The following MAPK14 variants were observed in gnomAD, a reference collection of about 807,000 sequenced individuals.
MAPK14 encodes the protein CSAID-binding protein.
A neutral mutation model predicts 49.6 loss-of-function variants in MAPK14; 16 were observed. That is an observed-to-expected ratio of 0.32 (90% CI 0.22 to 0.49). MAPK14 has a LOEUF of 0.49. Among genes scored for constraint, MAPK14 ranks in the 20% least tolerant of loss-of-function variants. The probability of loss-of-function intolerance (pLI) is 0.99; values close to 1 mark genes in which losing one functional copy is unlikely to be tolerated. For missense variants in MAPK14, 200 were observed against 441.2 expected (o/e 0.45, Z 4.90); for synonymous variants, 142 against 158.0 (o/e 0.90, Z 0.76).
At chr6:36,113,467 G>A (rs1175839281), downstream of MAPK14, among the ~76,000 whole-genome samples, 2 of 150,822 alleles carry the variant, frequency 1.3e-5, no homozygotes, top group African/African-American at 4.9e-5. Flanking sequence ...GGACTTGATT[G>A]AATAAGATGG....
At chr6:36,072,427 C>T (rs1431383500) in intron 3 of MAPK14, among the ~76,000 whole-genome samples, 4 of 152,064 alleles carry the variant, frequency 2.6e-5, no homozygotes, top group East Asian at 3.9e-4. Flanking sequence ...TAGCTGTCAT[C>T]GTGGTACAGC....
intron 7 of MAPK14, 110 bp from the exon 8 acceptor site, chr6:36,076,427 A>C: frequency 1.3e-6 from 1 of 761,318 alleles, no homozygotes; most frequent in Non-Finnish European, 2.3e-6. Context: ...TGAGCCTCAG[A>C]TGTCTTAAAT....
At chr6:36,029,520 TA>T (rs1448769604) in intron 1 of MAPK14, among the ~76,000 whole-genome samples, 5 of 152,368 alleles carry the variant, frequency 3.3e-5, no homozygotes, top group African/African-American at 1.2e-4. Context: ...TGTGTTTTAG[TA>T]ATTCGTATTG....
At chr6:36,029,907 A>C (rs533569129) in intron 1 of MAPK14, among the ~76,000 whole-genome samples, 1 of 151,540 alleles carries the variant, frequency 6.6e-6, no homozygotes, top group Non-Finnish European at 1.5e-5. Flanking sequence ...AGGTATATAC[A>C]TTCAGTATAT....
intron 3 of MAPK14, among the ~76,000 whole-genome samples, chr6:36,070,431 C>T (rs12211012): frequency 0.042 from 6,426 of 152,210 alleles, 196 homozygotes; most frequent in South Asian, 0.075. Flanking sequence ...GACATTATCT[C>T]ACAGAGTTAT....
chr6:36,116,872 A>G, the MAPK14 span, among the ~76,000 whole-genome samples: 1 of 152,210 alleles, frequency 6.6e-6, no homozygotes, highest in Non-Finnish European at 1.5e-5. Flanking sequence ...TATTCTATAC[A>G]AGTAATGTCT....
At chr6:36,091,929 G>A in intron 8 of MAPK14, 2 of 204,126 alleles carry the variant, frequency 9.8e-6, no homozygotes, top group Non-Finnish European at 9.9e-6. Context: ...TGAATACAAA[G>A]CCTTTGTGAA....
intron 9 of MAPK14, among the ~76,000 whole-genome samples, chr6:36,101,276 C>CA (rs1288923915): frequency 6.6e-6 from 1 of 151,892 alleles, no homozygotes; most frequent in Admixed American, 6.6e-5. Flanking sequence ...TGCAGCTCTA[C>CA]AAAAAAATTT....
chr6:36,028,102 G>A lies in MAPK14; in HGVS notation c.-56G>A. On this transcript the variant is annotated 5_prime_UTR_variant, in exon 1 of 12. Transcript: ENST00000229794. The surrounding 1 kb of genome is among the most constrained non-coding windows in gnomAD (Gnocchi z 5.1). Reference sequence around the variant, plus strand: ...CAGCAAGGGCCGGGGAGAGGGTGCGGGTGCAGGCGGGGGCCCCACAGGGCC... The same window carrying A: ...CAGCAAGGGCCGGGGAGAGGGTGCGAGTGCAGGCGGGGGCCCCACAGGGCC... 2.5e-6 allele frequency: 3 copies of A among 1,198,932 alleles called. No homozygotes were observed. The highest frequency in any genetic ancestry group is 3.0e-5 in the African/African-American group (2 of 66,230). 74.3% of individuals were successfully genotyped at this position (1,198,932 alleles called of 1,614,324 possible).
intron 4 of MAPK14, 22 bp from the exon 5 acceptor site, chr6:36,073,667 CTT>C (rs759892798): frequency 6.2e-6 from 10 of 1,604,520 alleles, no homozygotes; most frequent in African/African-American, 2.7e-5. Flanking sequence ...TTGGAGGTAA[CTT>C]TGACTTTTTT....
At chr6:36,084,648 C>T (rs1247690679) in intron 8 of MAPK14, among the ~76,000 whole-genome samples, 1 of 152,092 alleles carries the variant, frequency 6.6e-6, no homozygotes, top group East Asian at 1.9e-4. Context: ...AGGAAATGAA[C>T]AAAACTTTTG....
the MAPK14 span, among the ~76,000 whole-genome samples, chr6:36,122,184 C>A: frequency 1.3e-5 from 2 of 152,230 alleles, no homozygotes; most frequent in Non-Finnish European, 2.9e-5. Context: ...TGGGGAGGAT[C>A]TATGTGTCCT....
At position 36,035,387 on chromosome 6, in the gene MAPK14, A is replaced by G. The variant is rs187162270; in HGVS notation, c.116+7114A>G. On this transcript the variant is annotated intron_variant, in intron 1 of 11. Coordinates refer to ENST00000229794, the MANE Select transcript of MAPK14 (RefSeq NM_139012.3). ...ATTGATAAACATTGTGTGTGTTCTG[A>G]CTGCTCTGCCAACCAGCTGTTCCCT... Among the ~76,000 whole-genome samples the G allele has an allele frequency of 2.0e-5, 3 of 152,326 alleles. No individual in the cohort carries two copies. The East Asian group carries it at 5.8e-4, about 29-fold the overall frequency.
chr6:36,107,593 T>C lies in MAPK14; in HGVS notation c.980T>C (p.Phe327Ser). The stretch of plus-strand genomic sequence containing the variant: ...GTGGCCGATCCTTATGATCAGTCCT[T>C]TGAAAGCAGGGACCTCCTTATAGAT... ...EPVADPYDQS[F>S]ESRDLLIDEW... Residue 327 changes from phenylalanine to serine, a missense_variant, in exon 11 of 12, where the codon TTT becomes TCT. This residue lies in a region of MAPK14 where 170 missense variants were observed against 407.0 expected (regional missense o/e 0.42). Transcript: ENST00000229794. The surrounding 1 kb of genome is among the most constrained non-coding windows in gnomAD (Gnocchi z 4.3). 1 of 1,597,308 alleles carries C rather than the reference T, an allele frequency of 6.3e-7. No individual in the cohort carries two copies. Among genetic ancestry groups the C allele is most frequent in the Admixed American group, 1.7e-5 (1 of 57,618 alleles).
At chr6:36,116,522 T>C in the MAPK14 span, among the ~76,000 whole-genome samples, 1 of 152,186 alleles carries the variant, frequency 6.6e-6, no homozygotes, top group Non-Finnish European at 1.5e-5. Context: ...CCTTCATGAA[T>C]GTCCAGCAGG....
Position 36,040,723 on chromosome 6 carries a change from G to A in MAPK14, c.117-11976G>A, listed in dbSNP as rs556204592. 7.2e-5 allele frequency among the ~76,000 whole-genome samples: 11 copies of A among 152,262 alleles called. No homozygotes were observed. The East Asian group carries it at 1.9e-3, about 27-fold the overall frequency. Reference sequence around the variant, plus strand: ...ACTTAGGGTGTTTTGAATTTTTTCTGGAAAGGAAATTAGCATGAAGTCCAA... The same window carrying A: ...ACTTAGGGTGTTTTGAATTTTTTCTAGAAAGGAAATTAGCATGAAGTCCAA... On this transcript the variant is annotated intron_variant, in intron 1 of 11. Coordinates refer to ENST00000229794, the MANE Select transcript of MAPK14 (RefSeq NM_139012.3).
intron 8 of MAPK14, among the ~76,000 whole-genome samples, chr6:36,084,287 T>A (rs1237949227): frequency 2.0e-5 from 3 of 152,198 alleles, no homozygotes. Flanking sequence ...AGAGTGCTTC[T>A]TTTCCTCCAA....
intron 8 of MAPK14, chr6:36,076,897 G>GAGCATACTC (rs1391001975): frequency 8.5e-6 from 2 of 236,610 alleles, no homozygotes; most frequent in Non-Finnish European, 8.2e-6. Flanking sequence ...TCTGAGACCT[G>GAGCATACTC]AGCATACTCA....
intron 1 of MAPK14, among the ~76,000 whole-genome samples, chr6:36,036,654 T>C (rs1264927423): frequency 6.6e-6 from 1 of 152,192 alleles, no homozygotes; most frequent in African/African-American, 2.4e-5. Flanking sequence ...CCATCAACAC[T>C]GAGACAAGAC....
Sources: gnomAD v4.1 joint callset for allele counts (sites outside exome capture counted in the v4.1 genomes callset) on GRCh38, gnomAD v4.1.1 for gene constraint, gnomAD v4.1.1 regional missense constraint, Gnocchi (gnomAD v3.1) non-coding constraint, MANE v1.5 for transcripts, NCBI Gene and HGNC (gene_info 2026-07-23, HGNC 2026-07-21) for gene names.